DLG2: variants seen among roughly 807,000 people sequenced by gnomAD.
DLG2 encodes disks large homolog 2.
Under a neutral mutation model 132.5 loss-of-function variants are expected in DLG2, and 45 were observed. That is an observed-to-expected ratio of 0.34 (90% CI 0.27 to 0.44). The LOEUF is 0.44. Ranked by LOEUF, DLG2 falls within the 20% of genes least tolerant of loss-of-function variation. The pLI, the probability that DLG2 is intolerant of heterozygous loss-of-function variation, is 1.00. For missense variants in DLG2, 1,045 were observed against 1,196.9 expected, an observed-to-expected ratio of 0.87 and a Z score of 1.87; for synonymous variants, 424 against 419.6, an observed-to-expected ratio of 1.01 and a Z score of -0.13.
chr11:85,383,668 T>C (rs2086087564), intron 3 of DLG2, among the ~76,000 whole-genome samples: 1 of 152,166 alleles, frequency 6.6e-6, no homozygotes, highest in Non-Finnish European at 1.5e-5. Context: ...ATATTTCAAA[T>C]AAAATACAGC....
chr11:84,942,220 G>A (rs1163737620), intron 6 of DLG2, among the ~76,000 whole-genome samples: 1 of 151,678 alleles, frequency 6.6e-6, no homozygotes, highest in East Asian at 1.9e-4. Flanking sequence ...TTGTATTTTT[G>A]TTTCAATTTC....
Position 84,982,233 on chromosome 11 carries a change from C to T in DLG2, c.357+129428G>A, listed in dbSNP as rs574969696. On this transcript the variant is annotated intron_variant, in intron 6 of 27. Coordinates refer to ENST00000376104, the MANE Select transcript of DLG2 (RefSeq NM_001142699.3). ...ACCTCAAATTACTTCAAACATAGTC[C>T]CCTTCTCTGAGTACCCAACTGCCTG... Among the ~76,000 whole-genome samples the T allele has an allele frequency of 2.6e-5, 4 of 151,972 alleles. No homozygotes were observed. The East Asian group carries it at 5.8e-4, about 22-fold the overall frequency.
At chr11:83,680,710 C>T (rs1182254620) in intron 18 of DLG2, among the ~76,000 whole-genome samples, 1 of 151,920 alleles carries the variant, frequency 6.6e-6, no homozygotes, top group Non-Finnish European at 1.5e-5. Flanking sequence ...GAAGCATGAA[C>T]AAAAAAGTGT....
chr11:85,540,029 C>T (rs755605467), intron 3 of DLG2, among the ~76,000 whole-genome samples: 1 of 152,168 alleles, frequency 6.6e-6, no homozygotes, highest in Non-Finnish European at 1.5e-5. Context: ...ATGGGCCCAC[C>T]TTTCAAAGTG....
chr11:85,323,434 G>A (rs1010519125), intron 3 of DLG2, among the ~76,000 whole-genome samples: 1 of 152,176 alleles, frequency 6.6e-6, no homozygotes, highest in African/African-American at 2.4e-5. Flanking sequence ...TGCATAGAGT[G>A]TGCAATGATC....
At chr11:83,736,040 T>C (rs192344199) in intron 18 of DLG2, among the ~76,000 whole-genome samples, 173 of 152,288 alleles carry the variant, frequency 1.1e-3, no homozygotes, top group Non-Finnish European at 2.1e-4. Flanking sequence ...AGTATAAAAC[T>C]ACAGATCTGT....
chr11:85,321,479 C>A (rs893753909), intron 3 of DLG2, among the ~76,000 whole-genome samples: 3 of 151,836 alleles, frequency 2.0e-5, no homozygotes, highest in Non-Finnish European at 4.4e-5. Context: ...AATAATCTAG[C>A]GAGTATGTAC....
At chr11:84,984,844 T>A (rs1354502334) in intron 6 of DLG2, among the ~76,000 whole-genome samples, 2 of 152,032 alleles carry the variant, frequency 1.3e-5, no homozygotes, top group Non-Finnish European at 2.9e-5. Context: ...TAGTCCTACA[T>A]CAGACAAAAC....
intron 3 of DLG2, among the ~76,000 whole-genome samples, chr11:85,526,595 G>C (rs2074768427): frequency 6.6e-6 from 1 of 152,162 alleles, no homozygotes; most frequent in African/African-American, 2.4e-5. Flanking sequence ...AGAATGAAGA[G>C]CATTAGAACT....
chr11:85,293,602 A>G (rs2079043781), intron 3 of DLG2, among the ~76,000 whole-genome samples: 1 of 152,158 alleles, frequency 6.6e-6, no homozygotes, highest in South Asian at 2.1e-4. Context: ...TTGACTTGAA[A>G]TCTTCAAAAA....
intron 6 of DLG2, among the ~76,000 whole-genome samples, chr11:84,595,328 G>C (rs562583205): frequency 6.6e-6 from 1 of 151,972 alleles, no homozygotes; most frequent in Non-Finnish European, 1.5e-5. Flanking sequence ...GCCCAGGATT[G>C]TCTCAAACTC....
intron 3 of DLG2, among the ~76,000 whole-genome samples, chr11:85,462,198 T>C (rs1289132624): frequency 6.6e-6 from 1 of 152,234 alleles, no homozygotes. Context: ...TCTACACTGT[T>C]GGTGGGACGG....
At chr11:84,415,062 A>C (rs889443267) in intron 7 of DLG2, among the ~76,000 whole-genome samples, 2 of 152,184 alleles carry the variant, frequency 1.3e-5, no homozygotes, top group Admixed American at 6.6e-5. Flanking sequence ...GCCAAATTTC[A>C]ATATGCAAAG....
chr11:84,917,745 G>T (rs1208225385), intron 6 of DLG2, among the ~76,000 whole-genome samples: 1 of 152,020 alleles, frequency 6.6e-6, no homozygotes, highest in Non-Finnish European at 1.5e-5. Context: ...GAGTTAATGG[G>T]CTTTGTTAGA....
chr11:84,837,964 C>A (rs2154003352), intron 6 of DLG2, among the ~76,000 whole-genome samples: 1 of 151,786 alleles, frequency 6.6e-6, no homozygotes, highest in Non-Finnish European at 1.5e-5. Flanking sequence ...AGAGCTTGTG[C>A]CTTAACAAAT....
chr11:85,526,559 C>A lies in DLG2; in HGVS notation c.40+72098G>T, dbSNP rs554449963. Among the ~76,000 whole-genome samples, 17 of 152,228 alleles carry A rather than the reference C, an allele frequency of 1.1e-4. 1 individual carries two copies. In the South Asian group the frequency reaches 2.5e-3, roughly 22 times the overall value. ...TCATTCAGAAAGAAGAAAAATGACA[C>A]CATATGTAAATCTGGAGTTATACCA... On this transcript the variant is annotated intron_variant, in intron 3 of 27. Transcript: ENST00000376104.
intron 12 of DLG2, among the ~76,000 whole-genome samples, chr11:83,966,511 T>C (rs1016978060): frequency 6.6e-6 from 1 of 152,028 alleles, no homozygotes; most frequent in African/African-American, 2.4e-5. Context: ...TCTGAAATGA[T>C]TTTAAGATAA....
chr11:85,413,236 T>C (rs193094597), intron 3 of DLG2, among the ~76,000 whole-genome samples: 64 of 152,164 alleles, frequency 4.2e-4, no homozygotes, highest in African/African-American at 1.5e-3. Context: ...TTCATGTCCT[T>C]AGCCCACTTT....
At chr11:83,671,553 T>C (rs1295565259) in intron 18 of DLG2, among the ~76,000 whole-genome samples, 1 of 152,136 alleles carries the variant, frequency 6.6e-6, no homozygotes, top group Admixed American at 6.5e-5. Context: ...GTTAAAGAAA[T>C]AAGCTGTGAG....
Sources: allele counts gnomAD v4.1 joint callset (sites outside exome capture counted in the v4.1 genomes callset), GRCh38; gene constraint gnomAD v4.1.1; transcripts MANE v1.5; gene names NCBI Gene and HGNC (gene_info 2026-07-23, HGNC 2026-07-21).